RANBP2: variants seen among roughly 807,000 people sequenced by gnomAD.
The protein encoded by RANBP2 is E3 SUMO-protein ligase RanBP2.
Under a neutral mutation model 303.6 loss-of-function variants are expected in RANBP2, and 57 were observed. That is an observed-to-expected ratio of 0.19 (90% CI 0.15 to 0.23). RANBP2 has a LOEUF of 0.23. Among genes scored for constraint, RANBP2 ranks in the 10% least tolerant of loss-of-function variants. The pLI is 1.00. For synonymous variants in RANBP2, 1,167 were observed against 1,301.5 expected (o/e 0.90, Z 2.23); for missense variants, 3,138 against 3,780.8 (o/e 0.83, Z 4.46).
the RANBP2 span, among the ~76,000 whole-genome samples, chr2:109,013,810 C>T: frequency 6.6e-6 from 1 of 152,126 alleles, no homozygotes; most frequent in African/African-American, 2.4e-5. Flanking sequence ...AACTCTTGAC[C>T]TCGTGATCTG....
At chr2:109,322,863 T>G in the RANBP2 span, among the ~76,000 whole-genome samples, 3 of 152,218 alleles carry the variant, frequency 2.0e-5, no homozygotes, top group African/African-American at 7.2e-5. Flanking sequence ...TTGCTATCAA[T>G]TAAAGTTCCA....
At chr2:109,630,957 TC>T in the RANBP2 span, among the ~76,000 whole-genome samples, 35 of 152,156 alleles carry the variant, frequency 2.3e-4, no homozygotes, top group African/African-American at 8.2e-4. Flanking sequence ...TCCCAGCTAC[TC>T]GGGAGGCTGA....
At chr2:109,466,111 G>A in the RANBP2 span, among the ~76,000 whole-genome samples, 285 of 114,948 alleles carry the variant, frequency 2.5e-3, 2 homozygotes, top group African/African-American at 9.0e-3. Flanking sequence ...ATGGAGTCTC[G>A]CTCCGTCGCC....
At chr2:108,865,264 C>G in the RANBP2 span, among the ~76,000 whole-genome samples, 22 of 152,084 alleles carry the variant, frequency 1.4e-4, no homozygotes, top group African/African-American at 4.6e-4. Context: ...TTGGCTGTTT[C>G]TAGTCTTTGG....
chr2:109,216,509 G>A, the RANBP2 span, among the ~76,000 whole-genome samples: 49,441 of 152,104 alleles, frequency 0.33, 9,101 homozygotes, highest in East Asian at 0.8. Flanking sequence ...CCACCTGGCC[G>A]CAAAGCTTAA....
the RANBP2 span, among the ~76,000 whole-genome samples, chr2:109,330,166 G>T: frequency 6.6e-6 from 1 of 152,220 alleles, no homozygotes; most frequent in Non-Finnish European, 1.5e-5. Flanking sequence ...GAGGGAACAT[G>T]CTGGAAGGAA....
intron 19 of RANBP2, 107 bp from the exon 20 acceptor site, chr2:108,763,130 C>T (rs2149270181): frequency 1.6e-6 from 2 of 1,270,594 alleles, no homozygotes; most frequent in East Asian, 4.9e-5. Flanking sequence ...CTAATGAGAT[C>T]TTCTTCACTT....
chr2:109,051,771 C>CA, the RANBP2 span, among the ~76,000 whole-genome samples: 1 of 148,108 alleles, frequency 6.8e-6, no homozygotes, highest in Non-Finnish European at 1.5e-5. Context: ...TTTTTTGAGA[C>CA]AGAGTCTCGC....
chr2:109,730,391 G>A, the RANBP2 span, among the ~76,000 whole-genome samples: 1 of 152,274 alleles, frequency 6.6e-6, no homozygotes, highest in Middle Eastern at 3.4e-3. Flanking sequence ...GGTCCCCTTT[G>A]AGGCTACTTC....
the RANBP2 span, among the ~76,000 whole-genome samples, chr2:109,347,278 G>A: frequency 1.1e-4 from 16 of 152,258 alleles, no homozygotes; most frequent in African/African-American, 3.9e-4. Flanking sequence ...AGACCTCCTG[G>A]GTTCAGATTC....
the RANBP2 span, among the ~76,000 whole-genome samples, chr2:109,450,403 C>T: frequency 0.035 from 5,332 of 152,130 alleles, 151 homozygotes; most frequent in African/African-American, 0.068. Flanking sequence ...TTCCGGTTGC[C>T]ACCCTGCTAG....
At chr2:109,325,697 T>C in the RANBP2 span, among the ~76,000 whole-genome samples, 2 of 152,200 alleles carry the variant, frequency 1.3e-5, no homozygotes, top group Admixed American at 6.5e-5. Context: ...ACTCATCTCC[T>C]GGTTTCCAAG....
chr2:109,437,373 G>A, the RANBP2 span, among the ~76,000 whole-genome samples: 1 of 151,630 alleles, frequency 6.6e-6, no homozygotes, highest in Non-Finnish European at 1.5e-5. Context: ...AGCACATCTT[G>A]TCATGCTCGT....
intron 25 of RANBP2, among the ~76,000 whole-genome samples, chr2:108,778,138 C>T (rs1573848518): frequency 6.6e-6 from 1 of 151,966 alleles, no homozygotes; most frequent in East Asian, 1.9e-4. Context: ...AAAAAAATCC[C>T]AAAAAAATAG....
the RANBP2 span, among the ~76,000 whole-genome samples, chr2:109,706,247 G>T: frequency 0.77 from 117,841 of 152,170 alleles, 49,670 homozygotes; most frequent in East Asian, 0.97. Flanking sequence ...TGCTCACACC[G>T]GCATTGCTGC....
chr2:109,181,209 T>G, the RANBP2 span, among the ~76,000 whole-genome samples: 1 of 152,172 alleles, frequency 6.6e-6, no homozygotes, highest in Admixed American at 6.5e-5. Flanking sequence ...GGAATGATCT[T>G]AGGTTTATGG....
At chr2:109,717,103 C>T in the RANBP2 span, among the ~76,000 whole-genome samples, 34 of 152,236 alleles carry the variant, frequency 2.2e-4, no homozygotes, top group African/African-American at 7.9e-4. Flanking sequence ...TCTGTATTCA[C>T]AGATGACATG....
the RANBP2 span, among the ~76,000 whole-genome samples, chr2:109,038,465 C>T: frequency 6.6e-6 from 1 of 152,022 alleles, no homozygotes; most frequent in South Asian, 2.1e-4. Flanking sequence ...AAAACCCCAT[C>T]CTGTCAAAAA....
At chr2:109,142,641 G>A in the RANBP2 span, among the ~76,000 whole-genome samples, 2 of 152,160 alleles carry the variant, frequency 1.3e-5, no homozygotes, top group Non-Finnish European at 2.9e-5. Context: ...CCTCTGCTTG[G>A]CTGCATCTTG....
Sources: gnomAD v4.1 joint callset for allele counts (sites outside exome capture counted in the v4.1 genomes callset) on GRCh38, gnomAD v4.1.1 for gene constraint, MANE v1.5 for transcripts, NCBI Gene and HGNC (gene_info 2026-07-23, HGNC 2026-07-21) for gene names.